SLIT2: variants seen among roughly 807,000 people sequenced by gnomAD.
The protein encoded by SLIT2 is slit homolog 2 protein.
A neutral mutation model predicts 185.7 loss-of-function variants in SLIT2; 41 were observed. That is an observed-to-expected ratio of 0.22 (90% CI 0.17 to 0.29). The LOEUF (loss-of-function observed/expected upper bound fraction) is 0.29. SLIT2 is among the 10% of genes least tolerant of loss of function. SLIT2 has a pLI of 1.00. For synonymous variants in SLIT2, 693 were observed against 680.2 expected, an observed-to-expected ratio of 1.02 and a Z score of -0.29; for missense variants, 1,571 against 1,909.0, an observed-to-expected ratio of 0.82 and a Z score of 3.30.
At chr4:20,462,041 T>C (rs995443737) in intron 4 of SLIT2, among the ~76,000 whole-genome samples, 2 of 152,066 alleles carry the variant, frequency 1.3e-5, no homozygotes, top group Non-Finnish European at 2.9e-5. Context: ...GGGGAGGGTC[T>C]AAAATGGTAA....
intron 4 of SLIT2, among the ~76,000 whole-genome samples, chr4:20,415,141 G>A (rs1431065920): frequency 7.9e-5 from 12 of 152,152 alleles, no homozygotes; most frequent in Non-Finnish European, 1.8e-4. Context: ...GCTGTGCGCG[G>A]TGGCCCGCGC....
chr4:20,279,251 A>G (rs954529941), intron 4 of SLIT2, among the ~76,000 whole-genome samples: 2 of 152,130 alleles, frequency 1.3e-5, no homozygotes, highest in African/African-American at 4.8e-5. Context: ...TCCCATTTAT[A>G]TCACACTCTT....
chr4:20,541,376 A>G, intron 19 of SLIT2, 77 bp from the exon 20 acceptor site: 3 of 1,252,314 alleles, frequency 2.4e-6, no homozygotes, highest in Non-Finnish European at 2.3e-6. Flanking sequence ...TAGCGTGGAG[A>G]AGGGTAGCTG....
chr4:20,388,220 A>C (rs1560378542), intron 4 of SLIT2, among the ~76,000 whole-genome samples: 1 of 152,132 alleles, frequency 6.6e-6, no homozygotes, highest in Admixed American at 6.6e-5. Context: ...GCTTCATTAA[A>C]ATTTAAATCT....
At chr4:20,335,816 G>A (rs1720447833) in intron 4 of SLIT2, among the ~76,000 whole-genome samples, 1 of 152,138 alleles carries the variant, frequency 6.6e-6, no homozygotes, top group Non-Finnish European at 1.5e-5. Context: ...ATAGGCCATA[G>A]TCATGGTAAT....
chr4:20,596,399 T>C lies in SLIT2; in HGVS notation c.3321-16T>C. On this transcript the variant is annotated splice_polypyrimidine_tract_variant and intron_variant, in intron 31 of 36. Transcript: ENST00000504154. ...AAAATCGTATTAACTAATTTTTTTT[T>C]CTCCTTATTCTTCAGTGGCTTGTTC... 1 of 1,605,902 alleles carries C rather than the reference T, an allele frequency of 6.2e-7. No homozygotes were observed. The highest frequency in any genetic ancestry group is 1.1e-5 in the South Asian group (1 of 88,918).
intron 4 of SLIT2, among the ~76,000 whole-genome samples, chr4:20,292,739 T>G (rs530478013): frequency 2.8e-4 from 43 of 152,238 alleles, no homozygotes; most frequent in Admixed American, 2.4e-3. Context: ...GATTAGCTAA[T>G]GTATTTGTCT....
intron 4 of SLIT2, among the ~76,000 whole-genome samples, chr4:20,291,904 CTGTG>C (rs35335088): frequency 0.26 from 38,225 of 146,742 alleles, 5,479 homozygotes; most frequent in East Asian, 0.63. Flanking sequence ...CTGCACACCT[CTGTG>C]TGTGTGTGTG....
intron 4 of SLIT2, among the ~76,000 whole-genome samples, chr4:20,322,389 C>T (rs1719172571): frequency 6.6e-6 from 1 of 152,048 alleles, no homozygotes; most frequent in Non-Finnish European, 1.5e-5. Flanking sequence ...AGAAGAGGGA[C>T]AACTCGAAGT....
chr4:20,253,435 A>C lies in SLIT2; in HGVS notation c.-381A>C. 3.9e-6 allele frequency: 1 copy of C among 253,358 alleles called. No homozygotes were observed. The highest frequency in any genetic ancestry group is 7.7e-6 in the Non-Finnish European group (1 of 130,696). The allele number at this position is 253,358 out of a possible 1,614,324, so 15.7% of individuals were successfully genotyped here. ...ATCAGAGGACCGCCCTCCCCACAACAACCGGCCCCTGCATCTTAGCAGCCG... is the reference window on the plus strand; with the variant it reads ...ATCAGAGGACCGCCCTCCCCACAACCACCGGCCCCTGCATCTTAGCAGCCG... On this transcript the variant is annotated 5_prime_UTR_variant, in exon 1 of 37. Coordinates refer to ENST00000504154, the MANE Select transcript of SLIT2 (RefSeq NM_004787.4).
intron 21 of SLIT2, among the ~76,000 whole-genome samples, chr4:20,544,425 C>CCCTGTGCA: frequency 6.6e-6 from 1 of 152,078 alleles, no homozygotes; most frequent in Admixed American, 6.6e-5. Flanking sequence ...CCTGTGCTAT[C>CCCTGTGCA]TACAGCATAT....
At chr4:20,363,495 G>A (rs1338053249) in intron 4 of SLIT2, among the ~76,000 whole-genome samples, 3 of 152,074 alleles carry the variant, frequency 2.0e-5, no homozygotes, top group Admixed American at 1.3e-4. Context: ...AGGACCACCT[G>A]TTTTCCATTG....
chr4:20,309,746 T>C (rs1275454103), intron 4 of SLIT2, among the ~76,000 whole-genome samples: 2 of 146,296 alleles, frequency 1.4e-5, no homozygotes, highest in Admixed American at 7.2e-5. Flanking sequence ...GGTGACCTTC[T>C]AGTCTTTCTT....
At chr4:20,269,242 A>C (rs1189833018) in intron 4 of SLIT2, among the ~76,000 whole-genome samples, 6 of 151,840 alleles carry the variant, frequency 4.0e-5, no homozygotes, top group Non-Finnish European at 2.9e-5. Context: ...GTTCTTATAA[A>C]GTTGAGATTT....
At chr4:20,341,456 A>G (rs932603654) in intron 4 of SLIT2, among the ~76,000 whole-genome samples, 3 of 152,216 alleles carry the variant, frequency 2.0e-5, no homozygotes, top group Non-Finnish European at 4.4e-5. Context: ...GGGCATTTTA[A>G]ATAGACTTGT....
At chr4:20,464,770 G>A (rs1224425704) in intron 4 of SLIT2, among the ~76,000 whole-genome samples, 3 of 152,088 alleles carry the variant, frequency 2.0e-5, no homozygotes, top group Admixed American at 6.5e-5. Context: ...CCGCTTTTAT[G>A]TGTTGACACA....
chr4:20,314,093 A>G (rs1009010151), intron 4 of SLIT2, among the ~76,000 whole-genome samples: 2 of 152,202 alleles, frequency 1.3e-5, no homozygotes, highest in African/African-American at 4.8e-5. Context: ...CCAACCCCAT[A>G]TTAAGAATAC....
At chr4:20,402,914 TA>T (rs1053203051) in intron 4 of SLIT2, among the ~76,000 whole-genome samples, 3 of 151,750 alleles carry the variant, frequency 2.0e-5, no homozygotes, top group African/African-American at 7.2e-5. Flanking sequence ...ATACTGCTAT[TA>T]AAAAAATAAG....
At chr4:20,491,650 T>C in intron 8 of SLIT2, 111 bp from the exon 9 acceptor site, 1 of 878,918 alleles carries the variant, frequency 1.1e-6, no homozygotes, top group Non-Finnish European at 1.8e-6. Context: ...TCATCATGTA[T>C]TTAAAGAGAT....
Sources: gnomAD v4.1 joint callset for allele counts (sites outside exome capture counted in the v4.1 genomes callset) on GRCh38, gnomAD v4.1.1 for gene constraint, MANE v1.5 for transcripts, NCBI Gene and HGNC (gene_info 2026-07-23, HGNC 2026-07-21) for gene names.